Variants in ELOVL6 observed in about 807,000 individuals in gnomAD.
ELOVL6 encodes the protein ELOVL fatty acid elongase 6, also known as very long chain fatty acid elongase 6.
ELOVL6 carries 8 observed loss-of-function variants against 31.7 expected under a neutral mutation model. The ratio of observed to expected loss-of-function variants is 0.25; its 90% CI spans 0.15 to 0.45. The LOEUF (loss-of-function observed/expected upper bound fraction) is 0.45. Among genes scored for constraint, ELOVL6 ranks in the 20% least tolerant of loss-of-function variants. The probability of loss-of-function intolerance (pLI) is 1.00; values close to 1 mark genes in which losing one functional copy is unlikely to be tolerated. For synonymous variants in ELOVL6, 101 were observed against 117.7 expected (o/e 0.86, Z 0.92); for missense variants, 126 against 326.4 (o/e 0.39, Z 4.73).
At chr4:110,100,054 T>C (rs72679212) in intron 2 of ELOVL6, among the ~76,000 whole-genome samples, 11,939 of 152,238 alleles carry the variant, frequency 0.078, 635 homozygotes, top group East Asian at 0.17. Flanking sequence ...AAATGCCACA[T>C]AAAATTATCT....
intron 2 of ELOVL6, among the ~76,000 whole-genome samples, chr4:110,088,353 CG>C (rs1021007477): frequency 6.6e-6 from 1 of 152,160 alleles, no homozygotes; most frequent in Non-Finnish European, 1.5e-5. Context: ...TCTTACCCAA[CG>C]GGGACACATT....
rs201700828 is a variant in ELOVL6, at chr4:110,078,262, A to G, written c.222-18508T>C. 5.2e-4 allele frequency among the ~76,000 whole-genome samples: 79 copies of G among 152,356 alleles called. 2 individuals are homozygous for G. In the East Asian group the frequency reaches 8.7e-3, roughly 17 times the overall value. ...AACGCCACAAAGATACTCCTCAAGAAGAGCAACTCCAAGACACATAATTGT... is the reference window on the plus strand; with the variant it reads ...AACGCCACAAAGATACTCCTCAAGAGGAGCAACTCCAAGACACATAATTGT... On this transcript the variant is annotated intron_variant, in intron 2 of 3. Transcript: ENST00000302274.
intron 1 of ELOVL6, among the ~76,000 whole-genome samples, chr4:110,171,951 G>A (rs923811388): frequency 3.3e-5 from 5 of 151,910 alleles, no homozygotes; most frequent in South Asian, 2.1e-4. Flanking sequence ...TGGTCCCCAC[G>A]GTGCTGAGAT....
chr4:110,192,490 C>T (rs1049130596), intron 1 of ELOVL6, among the ~76,000 whole-genome samples: 1 of 152,112 alleles, frequency 6.6e-6, no homozygotes, highest in Non-Finnish European at 1.5e-5. Flanking sequence ...AACAGGCAAT[C>T]CTCTGAAGAT....
intron 3 of ELOVL6, among the ~76,000 whole-genome samples, chr4:110,057,378 T>C (rs1755016562): frequency 6.6e-6 from 1 of 151,944 alleles, no homozygotes; most frequent in African/African-American, 2.4e-5. Flanking sequence ...TGTTGAAGTG[T>C]TCAGGGGTAG....
intron 1 of ELOVL6, among the ~76,000 whole-genome samples, chr4:110,156,455 G>A (rs1758418749): frequency 6.6e-6 from 1 of 152,092 alleles, no homozygotes; most frequent in Non-Finnish European, 1.5e-5. Flanking sequence ...AGAAGTCAAG[G>A]GTGGAGGATC....
chr4:110,095,117 G>T (rs1756541304), intron 2 of ELOVL6, among the ~76,000 whole-genome samples: 1 of 152,206 alleles, frequency 6.6e-6, no homozygotes, highest in Non-Finnish European at 1.5e-5. Flanking sequence ...TTAAGTCTAA[G>T]CAATAACTAA....
chr4:110,082,940 G>A (rs765364079), intron 2 of ELOVL6, among the ~76,000 whole-genome samples: 37 of 148,722 alleles, frequency 2.5e-4, no homozygotes, highest in Admixed American at 7.3e-4. Flanking sequence ...TTACTTGTAA[G>A]TATCAGAACT....
At chr4:110,147,641 A>G (rs549013462) in intron 1 of ELOVL6, among the ~76,000 whole-genome samples, 117 of 151,198 alleles carry the variant, frequency 7.7e-4, no homozygotes, top group Non-Finnish European at 8.7e-4. Flanking sequence ...AAATACAAAA[A>G]TCAACTGGGT....
chr4:110,158,657 A>ATTTTTTTT (rs1184682018), intron 1 of ELOVL6, among the ~76,000 whole-genome samples: 15 of 74,160 alleles, frequency 2.0e-4, no homozygotes, highest in African/African-American at 6.6e-4. Context: ...ATATATATAT[A>ATTTTTTTT]TTTTTTTTTT....
intron 2 of ELOVL6, among the ~76,000 whole-genome samples, chr4:110,086,948 G>A (rs534200077): frequency 6.6e-6 from 1 of 152,034 alleles, no homozygotes; most frequent in Non-Finnish European, 1.5e-5. Flanking sequence ...TCCTATAATA[G>A]TATTTCCTTT....
chr4:110,088,641 T>G (rs1427358787), intron 2 of ELOVL6, among the ~76,000 whole-genome samples: 1 of 152,222 alleles, frequency 6.6e-6, no homozygotes, highest in Non-Finnish European at 1.5e-5. Flanking sequence ...CTTAAAGCAC[T>G]TTCTGGCTTC....
intron 1 of ELOVL6, among the ~76,000 whole-genome samples, chr4:110,185,850 T>C (rs191610518): frequency 6.6e-6 from 1 of 152,246 alleles, no homozygotes; most frequent in Admixed American, 6.5e-5. Context: ...GAAAGGGGCT[T>C]CCTGAGAAGT....
In ELOVL6 at chr4:110,192,397, A is replaced by C. The variant is rs1759650561; in HGVS notation, c.89+5850T>G. Among the ~76,000 whole-genome samples, 3 of 152,172 alleles carry C rather than the reference A, an allele frequency of 2.0e-5. No homozygotes were observed. In the South Asian group the frequency reaches 6.2e-4, roughly 31 times the overall value. Reference sequence around the variant, plus strand: ...ACTAAAGGAAAAACAACAGTGAAATACTATGTCTGCATTTGAAAAGTTTCA... The same window carrying C: ...ACTAAAGGAAAAACAACAGTGAAATCCTATGTCTGCATTTGAAAAGTTTCA... On this transcript the variant is annotated intron_variant, in intron 1 of 3. Transcript: ENST00000302274.
intron 1 of ELOVL6, among the ~76,000 whole-genome samples, chr4:110,169,243 G>GT (rs1244510218): frequency 0.035 from 4,818 of 137,820 alleles, 289 homozygotes; most frequent in African/African-American, 0.12. Flanking sequence ...TTTTTGTTTT[G>GT]TTTTTTTTTT....
chr4:110,159,963 G>C (rs972135435), intron 1 of ELOVL6, among the ~76,000 whole-genome samples: 2 of 151,992 alleles, frequency 1.3e-5, no homozygotes, highest in African/African-American at 2.4e-5. Context: ...TATTCATGTC[G>C]TTATTATTGA....
At chr4:110,104,893 AG>A (rs1428290444) in intron 2 of ELOVL6, among the ~76,000 whole-genome samples, 1 of 152,248 alleles carries the variant, frequency 6.6e-6, no homozygotes, top group Non-Finnish European at 1.5e-5. Flanking sequence ...CTGAGAGAAC[AG>A]GCCTTGTCCT....
intron 1 of ELOVL6, among the ~76,000 whole-genome samples, chr4:110,189,479 C>T (rs1453948245): frequency 6.6e-6 from 1 of 150,554 alleles, no homozygotes; most frequent in Non-Finnish European, 1.5e-5. Context: ...CCCAGCTACT[C>T]AGAAGGCTGA....
chr4:110,092,835 A>C (rs1172238819), intron 2 of ELOVL6, among the ~76,000 whole-genome samples: 1 of 152,096 alleles, frequency 6.6e-6, no homozygotes, highest in South Asian at 2.1e-4. Context: ...ACACATCCCA[A>C]ACCCTGCCAA....
Sources: gnomAD v4.1 joint callset for allele counts (sites outside exome capture counted in the v4.1 genomes callset) on GRCh38, gnomAD v4.1.1 for gene constraint, MANE v1.5 for transcripts, NCBI Gene and HGNC (gene_info 2026-07-23, HGNC 2026-07-21) for gene names.